Variants in ATP2B2 observed in about 807,000 individuals in gnomAD.
The protein encoded by ATP2B2 is ATPase plasma membrane Ca2+ transporting 2.
A neutral mutation model predicts 120.0 loss-of-function variants in ATP2B2; 15 were observed. The observed-to-expected ratio is 0.12, with a 90% confidence interval of 0.08 to 0.19. ATP2B2 has a LOEUF of 0.19. Among genes scored for constraint, ATP2B2 ranks in the 10% least tolerant of loss-of-function variants. The pLI is 1.00. For missense variants in ATP2B2, 1,045 were observed against 1,719.8 expected, an observed-to-expected ratio of 0.61 and a Z score of 6.94; for synonymous variants, 694 against 700.3, an observed-to-expected ratio of 0.99 and a Z score of 0.14.
intron 1 of ATP2B2, among the ~76,000 whole-genome samples, chr3:10,659,997 A>G (rs955175786): frequency 2.0e-5 from 3 of 152,238 alleles, no homozygotes; most frequent in African/African-American, 7.2e-5. Context: ...CTGAATGACT[A>G]CTGGATACAT....
chr3:10,543,159 T>C (rs1280084085), intron 2 of ATP2B2, among the ~76,000 whole-genome samples: 2 of 152,210 alleles, frequency 1.3e-5, no homozygotes, highest in African/African-American at 4.8e-5. Context: ...GAACATAAAA[T>C]TTAAAAAACT....
intron 19 of ATP2B2, among the ~76,000 whole-genome samples, chr3:10,341,095 T>G (rs2060262733): frequency 1.3e-5 from 2 of 152,088 alleles, no homozygotes; most frequent in East Asian, 1.9e-4. Flanking sequence ...GAGTGCTGCT[T>G]CTTGTTCCTG....
At chr3:10,649,536 C>A (rs1313318770) in intron 1 of ATP2B2, among the ~76,000 whole-genome samples, 1 of 152,204 alleles carries the variant, frequency 6.6e-6, no homozygotes, top group East Asian at 1.9e-4. Context: ...TCAGATGGAG[C>A]ATTCCTCTCT....
intron 5 of ATP2B2, among the ~76,000 whole-genome samples, chr3:10,390,738 G>T (rs1294963196): frequency 6.6e-6 from 1 of 152,192 alleles, no homozygotes; most frequent in Non-Finnish European, 1.5e-5. Flanking sequence ...CAGGACAGAA[G>T]GACAGTGCTT....
intron 2 of ATP2B2, among the ~76,000 whole-genome samples, chr3:10,421,738 C>G (rs2062987231): frequency 6.6e-6 from 1 of 152,206 alleles, no homozygotes; most frequent in Non-Finnish European, 1.5e-5. Context: ...TCACCTCTAG[C>G]CATGCCACAT....
intron 12 of ATP2B2, among the ~76,000 whole-genome samples, chr3:10,364,638 G>A (rs2060989823): frequency 1.3e-5 from 2 of 152,138 alleles, no homozygotes; most frequent in African/African-American, 2.4e-5. Flanking sequence ...ACAAACCCGG[G>A]AGGCGGAGGT....
At chr3:10,424,624 T>C (rs1434810942) in intron 2 of ATP2B2, among the ~76,000 whole-genome samples, 1 of 152,198 alleles carries the variant, frequency 6.6e-6, no homozygotes, top group African/African-American at 2.4e-5. Flanking sequence ...GCTACATCAT[T>C]TATAGAAAAA....
chr3:10,601,499 C>T (rs1265663040), intron 2 of ATP2B2, among the ~76,000 whole-genome samples: 1 of 152,206 alleles, frequency 6.6e-6, no homozygotes, highest in African/African-American at 2.4e-5. Context: ...GCCTCGGTTA[C>T]CTCATTTATA....
intron 3 of ATP2B2, among the ~76,000 whole-genome samples, chr3:10,520,411 G>T (rs771148372): frequency 6.6e-6 from 1 of 152,200 alleles, no homozygotes; most frequent in Non-Finnish European, 1.5e-5. Flanking sequence ...CGGGTGGAGA[G>T]AAATCCTAAA....
chr3:10,578,420 G>T (rs1023048288), intron 2 of ATP2B2, among the ~76,000 whole-genome samples: 4 of 151,924 alleles, frequency 2.6e-5, no homozygotes, highest in Admixed American at 2.6e-4. Context: ...GGTGGCACGT[G>T]CCTGTAGTCC....
At chr3:10,392,101 C>G (rs1470562902) in intron 5 of ATP2B2, among the ~76,000 whole-genome samples, 1 of 152,114 alleles carries the variant, frequency 6.6e-6, no homozygotes, top group Non-Finnish European at 1.5e-5. Flanking sequence ...GGGGGTGCTT[C>G]CAGGCCTGGC....
At chr3:10,371,410 C>T (rs144774626) in intron 12 of ATP2B2, among the ~76,000 whole-genome samples, 5 of 152,190 alleles carry the variant, frequency 3.3e-5, no homozygotes, top group Admixed American at 1.3e-4. Context: ...CTAGCTGAGA[C>T]CAGAAGAACC....
At chr3:10,368,113 G>A (rs140095652) in intron 12 of ATP2B2, among the ~76,000 whole-genome samples, 1 of 152,314 alleles carries the variant, frequency 6.6e-6, no homozygotes, top group East Asian at 1.9e-4. Flanking sequence ...AGAGTAAACT[G>A]AGGGGGCTGA....
chr3:10,623,701 C>T (rs2069614112), intron 1 of ATP2B2, among the ~76,000 whole-genome samples: 1 of 152,136 alleles, frequency 6.6e-6, no homozygotes, highest in Admixed American at 6.5e-5. Context: ...TCTGTGATAC[C>T]ACTGTTCAGT....
intron 1 of ATP2B2, among the ~76,000 whole-genome samples, chr3:10,628,972 C>A (rs992990854): frequency 5.3e-5 from 8 of 152,196 alleles, no homozygotes; most frequent in Non-Finnish European, 1.2e-4. Flanking sequence ...TAATATCTAT[C>A]GTTGGCTCAT....
intron 5 of ATP2B2, among the ~76,000 whole-genome samples, chr3:10,397,116 C>G (rs2062064295): frequency 6.6e-6 from 1 of 152,202 alleles, no homozygotes; most frequent in Non-Finnish European, 1.5e-5. Flanking sequence ...GAGCTCAGGT[C>G]CTGTTCAGCT....
chr3:10,416,694 C>T (rs983073226), intron 2 of ATP2B2, among the ~76,000 whole-genome samples: 11 of 151,438 alleles, frequency 7.3e-5, no homozygotes, highest in Non-Finnish European at 1.2e-4. Context: ...ACAGAGCTGG[C>T]GACCTGGAGG....
intron 21 of ATP2B2, chr3:10,338,777 G>C (rs1233186315): frequency 1.0e-5 from 3 of 296,354 alleles, no homozygotes; most frequent in Admixed American, 5.0e-5. Context: ...GGCATGGTGA[G>C]AACTGGGCAC....
intron 2 of ATP2B2, among the ~76,000 whole-genome samples, chr3:10,602,689 T>C (rs1266997573): frequency 2.6e-5 from 4 of 152,188 alleles, no homozygotes. Flanking sequence ...TCAGGTAAAA[T>C]GGTGAACTGA....
Sources: allele counts gnomAD v4.1 joint callset (sites outside exome capture counted in the v4.1 genomes callset), GRCh38; gene constraint gnomAD v4.1.1; transcripts MANE v1.5; gene names NCBI Gene and HGNC (gene_info 2026-07-23, HGNC 2026-07-21).